SEMA4D: variants seen among roughly 807,000 people sequenced by gnomAD.
SEMA4D encodes semaphorin-4D.
SEMA4D carries 22 observed loss-of-function variants against 74.8 expected under a neutral mutation model. The observed-to-expected ratio is 0.29, with a 90% CI of 0.21 to 0.42. The LOEUF (loss-of-function observed/expected upper bound fraction) is 0.42, where lower values mean the gene tolerates loss of function less well. Ranked by LOEUF, SEMA4D falls within the 10% of genes least tolerant of loss-of-function variation. The pLI, the probability that SEMA4D is intolerant of heterozygous loss-of-function variation, is 1.00. For missense variants in SEMA4D, 937 were observed against 1,118.4 expected (o/e 0.84, Z 2.31); for synonymous variants, 445 against 463.7 (o/e 0.96, Z 0.52).
At chr9:89,462,668 G>C (rs1857527616) in intron 1 of SEMA4D, among the ~76,000 whole-genome samples, 1 of 152,052 alleles carries the variant, frequency 6.6e-6, no homozygotes, top group African/African-American at 2.4e-5. Flanking sequence ...GTCCCAGCCA[G>C]ATGCAGGGGC....
intron 2 of SEMA4D, among the ~76,000 whole-genome samples, chr9:89,445,254 C>A (rs1011468304): frequency 6.6e-6 from 1 of 152,222 alleles, no homozygotes; most frequent in African/African-American, 2.4e-5. Context: ...ACCGTGAGTG[C>A]TGCTCCCTGA....
intron 9 of SEMA4D, 142 bp from the exon 10 acceptor site, chr9:89,389,189 T>C (rs1018767672): frequency 2.5e-6 from 2 of 786,696 alleles, no homozygotes; most frequent in Non-Finnish European, 4.1e-6. Context: ...AGGAGACAGA[T>C]GCCGCAATTA....
At chr9:89,366,205 T>C (rs1313500153) in intron 16 of SEMA4D, among the ~76,000 whole-genome samples, 1 of 152,244 alleles carries the variant, frequency 6.6e-6, no homozygotes, top group Admixed American at 6.5e-5. Context: ...TACACACCCA[T>C]GTATACATGT....
rs1003984874 is a variant in SEMA4D at position 89,378,275 on chromosome 9, A to G, written c.*429T>C. The G allele has an allele frequency of 1.8e-5, 3 of 162,984 alleles. No homozygotes were observed. Among genetic ancestry groups the G allele is most frequent in the African/African-American group, 4.8e-5 (2 of 41,654 alleles). The allele number at this position is 162,984 out of a possible 1,614,324, so 10.1% of individuals were successfully genotyped here. On this transcript the variant is annotated 3_prime_UTR_variant, in exon 16 of 16. Coordinates refer to ENST00000422704, the MANE Select transcript of SEMA4D (RefSeq NM_001371194.2). ...TTCGTGCCAATCTGGACAACAGGCGATAAGTTACCAATCTGATAAACTAAA... is the reference window on the plus strand; with the variant it reads ...TTCGTGCCAATCTGGACAACAGGCGGTAAGTTACCAATCTGATAAACTAAA...
chr9:89,376,701 A>C, downstream of SEMA4D: 1 of 1,318,720 alleles, frequency 7.6e-7, no homozygotes, highest in Admixed American at 2.8e-5. Context: ...GCTCAACCCG[A>C]GGGACGCAGC....
rs35558659 is a variant in SEMA4D, at chr9:89,480,225, CAG to C, written c.-310+17692_-310+17693del. Among the ~76,000 whole-genome samples the C allele has an allele frequency of 6.1e-3, 919 of 151,730 alleles. 5 individuals carry two copies. Among genetic ancestry groups the C allele is most frequent in the Non-Finnish European group, 9.2e-3 (626 of 67,824 alleles). On this transcript the variant is annotated intron_variant, in intron 1 of 15. Coordinates refer to ENST00000422704, the MANE Select transcript of SEMA4D (RefSeq NM_001371194.2). The stretch of plus-strand genomic sequence containing the variant: ...ACGTCCTCACCAGAGCAGCTAGATA[CAG>C]AGTGTCGATTGGTGCACTCACAAAC...
At chr9:89,444,429 A>G (rs573833704) in intron 2 of SEMA4D, among the ~76,000 whole-genome samples, 1 of 152,348 alleles carries the variant, frequency 6.6e-6, no homozygotes, top group East Asian at 1.9e-4. Context: ...CTTGCTCTGC[A>G]GCCGCTACTG....
intron 1 of SEMA4D, among the ~76,000 whole-genome samples, chr9:89,458,273 G>C (rs929950769): frequency 6.6e-6 from 1 of 152,142 alleles, no homozygotes; most frequent in African/African-American, 2.4e-5. Context: ...GGGATCCGAA[G>C]GCAACTTGGT....
rs371422319 is a variant in SEMA4D, at chr9:89,446,142, C to T, written c.-244+9746G>A. On this transcript the variant is annotated intron_variant, in intron 2 of 15. Coordinates refer to ENST00000422704, the MANE Select transcript of SEMA4D (RefSeq NM_001371194.2). ...AGCACCTGACCACTTATCTGGGCAC[C>T]CGAGGCCCAGCCCAATTGGCAGATA... 1.8e-4 allele frequency among the ~76,000 whole-genome samples: 27 copies of T among 152,260 alleles called. 1 individual carries two copies. Among genetic ancestry groups the T allele is most frequent in the African/African-American group, 6.0e-4 (25 of 41,552 alleles).
At chr9:89,449,918 T>C (rs1853938333) in intron 2 of SEMA4D, 7 of 1,447,476 alleles carry the variant, frequency 4.8e-6, no homozygotes, top group South Asian at 1.1e-5. Context: ...TCATCACTAA[T>C]GTAGCTCGTA....
At chr9:89,363,721 T>A in intron 17 of SEMA4D, 1 of 1,608,040 alleles carries the variant, frequency 6.2e-7, no homozygotes, top group Non-Finnish European at 8.5e-7. Flanking sequence ...AGGGTAACAG[T>A]GGGCATGGGA....
intron 1 of SEMA4D, among the ~76,000 whole-genome samples, chr9:89,462,682 T>C (rs1484391125): frequency 6.6e-6 from 1 of 151,956 alleles, no homozygotes; most frequent in Admixed American, 6.6e-5. Flanking sequence ...CAGGGGCTCG[T>C]GCCTGTAATC....
At chr9:89,410,396 C>T (rs1317580544) in intron 2 of SEMA4D, among the ~76,000 whole-genome samples, 2 of 152,160 alleles carry the variant, frequency 1.3e-5, no homozygotes, top group African/African-American at 4.8e-5. Flanking sequence ...TGTCACACAC[C>T]ACCAGAGCTG....
chr9:89,364,139 G>C lies in SEMA4D; in HGVS notation c.1883-189C>G, dbSNP rs1833205170. 4.8e-6 allele frequency: 6 copies of C among 1,241,034 alleles called. No homozygotes were observed. In the South Asian group the frequency reaches 7.4e-5, roughly 15 times the overall value. The allele number at this position is 1,241,034 out of a possible 1,614,324, so 76.9% of individuals were successfully genotyped here. A position where few individuals can be genotyped will look rare whatever the true frequency, so the allele number is the denominator to read the frequency against. ...ATGGCCAGCGGGAGCCTTGGCCTTG[G>C]CCCGTCCTGTGGACTTCCTGCTCTT... is the stretch of plus-strand genomic sequence containing the variant. On this transcript the variant is annotated intron_variant, in intron 16 of 18. Transcript: ENST00000339861.
intron 16 of SEMA4D, among the ~76,000 whole-genome samples, chr9:89,369,797 G>A (rs1358721280): frequency 6.6e-6 from 1 of 152,202 alleles, no homozygotes; most frequent in East Asian, 1.9e-4. Flanking sequence ...CAATACACAT[G>A]CTGCTCCACT....
chr9:89,494,528 C>T (rs1229799295), intron 1 of SEMA4D, among the ~76,000 whole-genome samples: 1 of 152,220 alleles, frequency 6.6e-6, no homozygotes, highest in Non-Finnish European at 1.5e-5. Context: ...CTATAGTCTA[C>T]ACTAAGGAGT....
chr9:89,433,684 G>A (rs116948044), intron 2 of SEMA4D, among the ~76,000 whole-genome samples: 1 of 152,224 alleles, frequency 6.6e-6, no homozygotes, highest in African/African-American at 2.4e-5. Context: ...CAAGTACAGG[G>A]TGGATACCAC....
At chr9:89,388,574 C>G (rs1265971894) in intron 11 of SEMA4D, 62 bp downstream of exon 11, 15 of 1,553,738 alleles carry the variant, frequency 9.7e-6, no homozygotes, top group Non-Finnish European at 3.4e-6. Flanking sequence ...AGTGCCTGTA[C>G]TGGATTCCAT....
intron 4 of SEMA4D, among the ~76,000 whole-genome samples, chr9:89,399,651 C>T (rs1368806293): frequency 3.9e-5 from 6 of 152,072 alleles, no homozygotes; most frequent in African/African-American, 1.4e-4. Flanking sequence ...TTTCAAAAAC[C>T]TAAACCATAA....
Sources: allele counts gnomAD v4.1 joint callset (sites outside exome capture counted in the v4.1 genomes callset), GRCh38; gene constraint gnomAD v4.1.1; transcripts MANE v1.5; gene names NCBI Gene and HGNC (gene_info 2026-07-23, HGNC 2026-07-21).